CHD6: variants seen among roughly 807,000 people sequenced by gnomAD.
CHD6 encodes the protein ATP-dependent chromatin remodeler CHD6.
CHD6 carries 50 observed loss-of-function variants against 276.9 expected under a neutral mutation model. The ratio of observed to expected loss-of-function variants is 0.18; its 90% confidence interval spans 0.14 to 0.23. CHD6 has a LOEUF of 0.23. CHD6 is among the 10% of genes least tolerant of loss of function. The probability of loss-of-function intolerance (pLI) is 1.00; values close to 1 mark genes in which losing one functional copy is unlikely to be tolerated. For missense variants in CHD6, 2,564 were observed against 3,365.8 expected (o/e 0.76, Z 5.89); for synonymous variants, 1,173 against 1,229.3 (o/e 0.95, Z 0.96).
intron 5 of CHD6, among the ~76,000 whole-genome samples, chr20:41,505,914 C>T (rs1444522773): frequency 6.6e-6 from 1 of 152,136 alleles, no homozygotes; most frequent in Non-Finnish European, 1.5e-5. Flanking sequence ...CTTTCCTACC[C>T]CTCCTACCTA....
chr20:41,497,807 A>G (rs1333624281), intron 7 of CHD6: 3 of 452,264 alleles, frequency 6.6e-6, no homozygotes, highest in Non-Finnish European at 1.2e-5. Flanking sequence ...CTGTAGCAGA[A>G]AGGAAAATAT....
At position 41,445,749 on chromosome 20, in the gene CHD6, G is replaced by C; in HGVS notation, c.3793C>G (p.Pro1265Ala). The part of the protein sequence containing the change: ...SPARELDVPL[P>A]DIDYMEIPVD... ...GGGATCTCCATGTAGTCGATGTCAG[G>C]CAGAGGTACATCCAGCTCCCTAGGG... The change falls in exon 25 of 37, where the codon CCT becomes GCT. Residue 1265 changes from proline (P) to alanine (A), a missense_variant. By Grantham distance (27) the Pro-to-Ala change is conservative. This residue lies in a region of CHD6 where 515 missense variants were observed against 739.5 expected (regional missense o/e 0.70). Coordinates refer to ENST00000373233, the MANE Select transcript of CHD6 (RefSeq NM_032221.5). The C allele has an allele frequency of 6.2e-7, 1 of 1,612,668 alleles. No homozygotes were observed. The highest frequency in any genetic ancestry group is 8.5e-7 in the Non-Finnish European group (1 of 1,178,728).
chr20:41,510,929 T>C (rs1568659273), intron 5 of CHD6, among the ~76,000 whole-genome samples: 1 of 152,240 alleles, frequency 6.6e-6, no homozygotes, highest in Non-Finnish European at 1.5e-5. Context: ...TATCAAATTA[T>C]TATTCCTACT....
intron 2 of CHD6, among the ~76,000 whole-genome samples, chr20:41,534,040 C>T (rs1320210663): frequency 6.6e-6 from 1 of 152,158 alleles, no homozygotes; most frequent in African/African-American, 2.4e-5. Context: ...AGTACAGCCC[C>T]CCAAAGTGAC....
chr20:41,507,948 C>G (rs1482991322), intron 5 of CHD6, among the ~76,000 whole-genome samples: 1 of 152,084 alleles, frequency 6.6e-6, no homozygotes, highest in Non-Finnish European at 1.5e-5. Flanking sequence ...TATACAAAAC[C>G]AGTATCAAGC....
chr20:41,520,483 T>C (rs1601071258), intron 3 of CHD6, among the ~76,000 whole-genome samples: 2 of 152,106 alleles, frequency 1.3e-5, no homozygotes, highest in African/African-American at 2.4e-5. Context: ...TGGAATACTA[T>C]GCAGCCATAA....
At chr20:41,526,408 C>G (rs560671495) in intron 3 of CHD6, among the ~76,000 whole-genome samples, 1 of 152,208 alleles carries the variant, frequency 6.6e-6, no homozygotes, top group African/African-American at 2.4e-5. Context: ...CAATAAAGAT[C>G]TCTCTAAACA....
At chr20:41,488,389 A>C (rs2043469284) in intron 13 of CHD6, 39 bp downstream of exon 13, 1 of 1,555,876 alleles carries the variant, frequency 6.4e-7, no homozygotes, top group East Asian at 2.2e-5. Context: ...AGCTGAACAA[A>C]AGGAACCTGT....
rs905288487 is a variant in CHD6, at chr20:41,553,703, G to A, written c.-23-2343C>T. Among the ~76,000 whole-genome samples, 10 of 152,188 alleles carry A rather than the reference G, an allele frequency of 6.6e-5. No individual in the cohort carries two copies. In the South Asian group the frequency reaches 8.3e-4, roughly 13 times the overall value. On this transcript the variant is annotated intron_variant, in intron 1 of 36. Coordinates refer to ENST00000373233, the MANE Select transcript of CHD6 (RefSeq NM_032221.5). ...TCACCATTGTTTCATCTGCGATTGC[G>A]TACCCTTTCTGCAGAAAGTAAAGAT...
chr20:41,552,089 C>T (rs1458775405), intron 1 of CHD6, among the ~76,000 whole-genome samples: 1 of 152,158 alleles, frequency 6.6e-6, no homozygotes. Context: ...GGGAAAAGAA[C>T]AAACCCTAGT....
chr20:41,444,294 C>T (rs2047995582), intron 25 of CHD6, among the ~76,000 whole-genome samples: 2 of 152,200 alleles, frequency 1.3e-5, no homozygotes, highest in African/African-American at 4.8e-5. Flanking sequence ...CCACTAGCTA[C>T]ATGGGGCTAT....
chr20:41,587,160 C>T (rs967220272), intron 1 of CHD6, among the ~76,000 whole-genome samples: 2 of 152,180 alleles, frequency 1.3e-5, no homozygotes, highest in Non-Finnish European at 2.9e-5. Flanking sequence ...TACATTTCAA[C>T]ATACTATCAA....
chr20:41,407,317 T>C (rs1449923487), intron 36 of CHD6, among the ~76,000 whole-genome samples: 1 of 152,150 alleles, frequency 6.6e-6, no homozygotes, highest in Non-Finnish European at 1.5e-5. Context: ...GGCAGGGATC[T>C]GGCTGTTGCT....
intron 2 of CHD6, among the ~76,000 whole-genome samples, chr20:41,550,971 TATATAAA>T (rs1298126939): frequency 2.0e-5 from 3 of 152,210 alleles, no homozygotes; most frequent in African/African-American, 7.2e-5. Flanking sequence ...GAAGGATAAA[TATATAAA>T]ATATAAAGAA....
At chr20:41,408,581 A>C (rs1440387398) in intron 36 of CHD6, among the ~76,000 whole-genome samples, 8 of 152,198 alleles carry the variant, frequency 5.3e-5, no homozygotes, top group African/African-American at 1.9e-4. Flanking sequence ...CCTTGCTGGC[A>C]TGGCACCACA....
chr20:41,466,948 T>G (rs2042934494), intron 17 of CHD6, among the ~76,000 whole-genome samples: 1 of 152,172 alleles, frequency 6.6e-6, no homozygotes. Context: ...CCAACATGCC[T>G]GCTTTCCTTA....
chr20:41,435,115 A>C (rs2047665416), intron 27 of CHD6, among the ~76,000 whole-genome samples: 1 of 152,180 alleles, frequency 6.6e-6, no homozygotes, highest in Non-Finnish European at 1.5e-5. Flanking sequence ...ATAAACACCT[A>C]AATAATTCAT....
intron 2 of CHD6, among the ~76,000 whole-genome samples, chr20:41,538,052 T>C (rs1254443063): frequency 6.6e-6 from 1 of 152,106 alleles, no homozygotes; most frequent in Non-Finnish European, 1.5e-5. Context: ...TATTCAGCCA[T>C]AAAAAGGAGT....
At chr20:41,552,465 AATT>A (rs2045160804) in intron 1 of CHD6, among the ~76,000 whole-genome samples, 1 of 152,234 alleles carries the variant, frequency 6.6e-6, no homozygotes, top group African/African-American at 2.4e-5. Flanking sequence ...AGCTTGACTT[AATT>A]ATTACACATT....
Sources: allele counts gnomAD v4.1 joint callset (sites outside exome capture counted in the v4.1 genomes callset), GRCh38; gene constraint gnomAD v4.1.1; regional missense constraint gnomAD v4.1.1; transcripts MANE v1.5; gene names NCBI Gene and HGNC (gene_info 2026-07-23, HGNC 2026-07-21).